ROCK1: variants seen among roughly 807,000 people sequenced by gnomAD.
ROCK1 encodes Rho associated coiled-coil containing protein kinase 1.
ROCK1 carries 36 observed loss-of-function variants against 196.8 expected under a neutral mutation model. The observed-to-expected ratio is 0.18, with a 90% confidence interval of 0.14 to 0.24. ROCK1 has a LOEUF of 0.24. Ranked by LOEUF, ROCK1 falls within the 10% of genes least tolerant of loss-of-function variation. The pLI is 1.00. For synonymous variants in ROCK1, 443 were observed against 515.9 expected (o/e 0.86, Z 1.91); for missense variants, 920 against 1,562.0 (o/e 0.59, Z 6.93).
intron 8 of ROCK1, among the ~76,000 whole-genome samples, chr18:21,041,449 C>T (rs1209757392): frequency 4.6e-5 from 7 of 151,932 alleles, no homozygotes; most frequent in Non-Finnish European, 1.0e-4. Context: ...CTTACTAATA[C>T]ATCTGGTTCA....
At chr18:21,067,027 C>T (rs1184940964) in intron 2 of ROCK1, among the ~76,000 whole-genome samples, 6 of 152,232 alleles carry the variant, frequency 3.9e-5, no homozygotes, top group Middle Eastern at 6.8e-3. Flanking sequence ...AGTGCCTTAC[C>T]ATTTACCAGT....
At chr18:21,022,991 A>G (rs2035926869) in intron 11 of ROCK1, among the ~76,000 whole-genome samples, 1 of 135,200 alleles carries the variant, frequency 7.4e-6, no homozygotes, top group African/African-American at 3.1e-5. Context: ...CCAGTCACAT[A>G]TGGATAAATA....
chr18:21,049,252 T>A, intron 3 of ROCK1, 23 bp from the exon 4 acceptor site: 1 of 1,508,160 alleles, frequency 6.6e-7, no homozygotes. Flanking sequence ...AAAGGGAAAA[T>A]AATGAACCTT....
At chr18:20,958,897 T>TTATATA (rs1314346691) in intron 29 of ROCK1, among the ~76,000 whole-genome samples, 1 of 34,936 alleles carries the variant, frequency 2.9e-5, no homozygotes, top group Non-Finnish European at 5.1e-5. Flanking sequence ...ATATATTTAT[T>TTATATA]TATATATATA....
At chr18:21,085,926 A>C (rs2036522806) in intron 1 of ROCK1, among the ~76,000 whole-genome samples, 1 of 152,212 alleles carries the variant, frequency 6.6e-6, no homozygotes, top group African/African-American at 2.4e-5. Flanking sequence ...AAAGTTTTAT[A>C]GGTATGGGTG....
rs2036466639 is a variant in ROCK1 at position 21,079,715 on chromosome 18, A to G, written c.94-9102T>C. ...ACTACTCCCTGTGGGTTTGCCTGCC[A>G]TGGCTACTAAAAGAACTGGGTCGAT... On this transcript the variant is annotated intron_variant, in intron 1 of 32. Transcript: ENST00000399799. 2.0e-5 allele frequency among the ~76,000 whole-genome samples: 3 copies of G among 152,170 alleles called. No individual in the cohort carries two copies. The South Asian group carries it at 6.2e-4, about 31-fold the overall frequency.
chr18:20,969,342 C>T, intron 23 of ROCK1, 134 bp from the exon 24 acceptor site: 1 of 526,838 alleles, frequency 1.9e-6, no homozygotes, highest in Non-Finnish European at 3.3e-6. Flanking sequence ...TGGTTTCCAG[C>T]TTAAAATATG....
intron 9 of ROCK1, among the ~76,000 whole-genome samples, chr18:21,035,445 A>G (rs1175291742): frequency 6.6e-6 from 1 of 152,180 alleles, no homozygotes; most frequent in Non-Finnish European, 1.5e-5. Context: ...GGATCTCTTG[A>G]GCCCTGGAGT....
At chr18:21,069,327 C>T (rs891566733) in intron 2 of ROCK1, among the ~76,000 whole-genome samples, 1 of 152,000 alleles carries the variant, frequency 6.6e-6, no homozygotes. Context: ...TTACCTACTG[C>T]TACATATGAC....
At position 21,027,267 on chromosome 18, in the gene ROCK1, C is replaced by T. The variant is rs149503947; in HGVS notation, c.1211+1509G>A. On this transcript the variant is annotated intron_variant, in intron 10 of 32. Transcript: ENST00000399799. ...ATTTCTACTATGTAGTTCTTACTAACCTACATTGCACAATTTATGCATTTC... is the reference window on the plus strand; with the variant it reads ...ATTTCTACTATGTAGTTCTTACTAATCTACATTGCACAATTTATGCATTTC... Among the ~76,000 whole-genome samples the T allele has an allele frequency of 8.5e-3, 1,296 of 152,212 alleles. 5 individuals carry two copies. Among genetic ancestry groups the T allele is most frequent in the Non-Finnish European group, 0.014 (960 of 68,008 alleles).
chr18:21,007,152 G>T lies in ROCK1; in HGVS notation c.1547-362C>A, dbSNP rs371147106. Reference sequence around the variant, plus strand: ...TTAATAAAAATACAAAATTTAAAAGGTACCAAATGGTAGATAGTATAGAAT... The same window carrying T: ...TTAATAAAAATACAAAATTTAAAAGTTACCAAATGGTAGATAGTATAGAAT... On this transcript the variant is annotated intron_variant, in intron 14 of 32. Coordinates refer to ENST00000399799, the MANE Select transcript of ROCK1 (RefSeq NM_005406.3). 1.1e-4 allele frequency among the ~76,000 whole-genome samples: 17 copies of T among 151,970 alleles called. No individual in the cohort carries two copies. In the East Asian group the frequency reaches 2.5e-3, roughly 22 times the overall value.
intron 1 of ROCK1, among the ~76,000 whole-genome samples, chr18:21,104,546 A>G (rs112207538): frequency 0.078 from 11,924 of 152,174 alleles, 668 homozygotes; most frequent in Admixed American, 0.16. Flanking sequence ...GCAGTAAGCC[A>G]AGATAGCGCC....
At chr18:21,051,578 C>G (rs1227320712) in intron 2 of ROCK1, among the ~76,000 whole-genome samples, 1 of 152,192 alleles carries the variant, frequency 6.6e-6, no homozygotes, top group African/African-American at 2.4e-5. Flanking sequence ...ACAGAAGAGG[C>G]TGGAGAGCCC....
At chr18:21,029,921 T>A (rs1310454999) in intron 9 of ROCK1, among the ~76,000 whole-genome samples, 3 of 152,142 alleles carry the variant, frequency 2.0e-5, no homozygotes, top group African/African-American at 7.2e-5. Flanking sequence ...TACAATAACC[T>A]CATGTTCTTT....
At chr18:21,042,339 T>C in intron 7 of ROCK1, 104 bp from the exon 8 acceptor site, 1 of 1,101,516 alleles carries the variant, frequency 9.1e-7, no homozygotes. Flanking sequence ...TTATTAGGTA[T>C]GTATTAAACT....
chr18:21,015,503 A>G (rs1221744148), intron 12 of ROCK1, 24 bp from the exon 13 acceptor site: 4 of 1,404,016 alleles, frequency 2.8e-6, no homozygotes, highest in South Asian at 1.2e-5. Flanking sequence ...AGCAATACAG[A>G]TTAGAAATAT....
At chr18:21,046,456 T>C (rs2036160058) in intron 4 of ROCK1, among the ~76,000 whole-genome samples, 1 of 152,142 alleles carries the variant, frequency 6.6e-6, no homozygotes, top group African/African-American at 2.4e-5. Context: ...GGGTTGAGGG[T>C]TGTTAAAAAA....
chr18:20,963,917 G>A (rs2035349536), intron 27 of ROCK1, among the ~76,000 whole-genome samples: 1 of 152,136 alleles, frequency 6.6e-6, no homozygotes, highest in Non-Finnish European at 1.5e-5. Context: ...ATAAGTCAGA[G>A]AAGGAGTAAC....
At chr18:21,059,993 G>A (rs1253643315) in intron 2 of ROCK1, among the ~76,000 whole-genome samples, 1 of 152,202 alleles carries the variant, frequency 6.6e-6, no homozygotes, top group Non-Finnish European at 1.5e-5. Flanking sequence ...CAAATCTATA[G>A]AGACAGAAAA....
Sources: gnomAD v4.1 joint callset for allele counts (sites outside exome capture counted in the v4.1 genomes callset) on GRCh38, gnomAD v4.1.1 for gene constraint, MANE v1.5 for transcripts, NCBI Gene and HGNC (gene_info 2026-07-23, HGNC 2026-07-21) for gene names.